HMCN1: variants seen among roughly 807,000 people sequenced by gnomAD.
The protein encoded by HMCN1 is hemicentin-1.
A neutral mutation model predicts 625.9 loss-of-function variants in HMCN1; 321 were observed. The observed-to-expected ratio is 0.51, with a 90% CI of 0.47 to 0.56. The LOEUF is 0.56. HMCN1 is among the 20% of genes least tolerant of loss of function. HMCN1 has a pLI of 0.00. For synonymous variants in HMCN1, 2,425 were observed against 2,417.6 expected (o/e 1.00, Z -0.09); for missense variants, 6,588 against 6,887.3 (o/e 0.96, Z 1.54).
intron 4 of HMCN1, among the ~76,000 whole-genome samples, chr1:185,893,418 G>A (rs6676765): frequency 0.15 from 22,862 of 152,176 alleles, 5,606 homozygotes; most frequent in African/African-American, 0.51. Flanking sequence ...TTGCCTTTCT[G>A]ACTGGCACAG....
chr1:185,832,431 T>G (rs552178903), intron 1 of HMCN1, among the ~76,000 whole-genome samples: 1 of 152,324 alleles, frequency 6.6e-6, no homozygotes, highest in Admixed American at 6.5e-5. Flanking sequence ...CCTCAATTAT[T>G]AAGACAATTT....
rs765004410 is a variant in HMCN1, at chr1:186,112,812, G to A, written c.10990G>A (p.Ala3664Thr). 45 of 1,614,026 alleles carry A rather than the reference G, an allele frequency of 2.8e-5. No homozygotes were observed. Among genetic ancestry groups the A allele is most frequent in the Non-Finnish European group, 3.7e-5 (44 of 1,179,984 alleles). Residue 3664 changes from alanine to threonine, a missense_variant and splice_region_variant, in exon 72 of 107, where the codon GCA (alanine) becomes ACA (threonine). By Grantham distance (58) the Ala-to-Thr change is moderately conservative. Around this residue, in one of 3 missense-constraint regions of HMCN1, gnomAD observed 4,628 missense variants for 4,853.1 expected, o/e 0.95. Transcript: ENST00000271588. ...TWLRNGERLQ[A>T]TPRVRILSGG... ...AAATTTCTTTACTTGCTGAATCCAG[G>A]CAACACCTCGAGTGCGAATCCTATC...
intron 11 of HMCN1, among the ~76,000 whole-genome samples, chr1:185,947,450 A>G (rs558304972): frequency 1.6e-4 from 24 of 152,364 alleles, no homozygotes; most frequent in African/African-American, 5.0e-4. Flanking sequence ...AGGCAGAAAT[A>G]ACAAGAGAAG....
intron 39 of HMCN1, among the ~76,000 whole-genome samples, chr1:186,040,683 A>ATTAG (rs1482153393): frequency 6.6e-6 from 1 of 152,194 alleles, no homozygotes; most frequent in Non-Finnish European, 1.5e-5. Flanking sequence ...TAGAAAGAGA[A>ATTAG]TTAGCATTTA....
intron 1 of HMCN1, among the ~76,000 whole-genome samples, chr1:185,780,564 A>C (rs1443559368): frequency 1.3e-5 from 2 of 152,186 alleles, no homozygotes; most frequent in Non-Finnish European, 2.9e-5. Flanking sequence ...TGAAGGGCTG[A>C]TGAATTTTGT....
intron 9 of HMCN1, among the ~76,000 whole-genome samples, chr1:185,927,517 A>C (rs190849136): frequency 6.6e-6 from 1 of 152,032 alleles, no homozygotes; most frequent in Admixed American, 6.6e-5. Flanking sequence ...AAGGCACAGA[A>C]ACCTGTTTTA....
At chr1:186,155,390 G>A (rs1400387947) in intron 97 of HMCN1, among the ~76,000 whole-genome samples, 1 of 151,960 alleles carries the variant, frequency 6.6e-6, no homozygotes, top group African/African-American at 2.4e-5. Flanking sequence ...CAAAAGAAAC[G>A]AGCTGCCAGA....
In HMCN1 at chr1:186,182,159, C is replaced by T. The variant is rs760760319; in HGVS notation, c.16295-9C>T. The T allele has an allele frequency of 6.2e-6, 10 of 1,612,786 alleles. No homozygotes were observed. Among genetic ancestry groups the T allele is most frequent in the Non-Finnish European group, 4.2e-6 (5 of 1,179,040 alleles). On this transcript the variant is annotated splice_polypyrimidine_tract_variant and intron_variant, in intron 104 of 106. Coordinates refer to ENST00000271588, the MANE Select transcript of HMCN1 (RefSeq NM_031935.3). ...TGTAGTGATAACTCTCTGTCTTCTT[C>T]CTGAACAGATATTGATGAATGTGAA...
chr1:186,152,158 G>C (rs1353608918), intron 95 of HMCN1, among the ~76,000 whole-genome samples: 1 of 152,082 alleles, frequency 6.6e-6, no homozygotes, highest in African/African-American at 2.4e-5. Context: ...AAACCTAAAG[G>C]CTTTTCACTC....
At chr1:186,125,529 G>T in intron 81 of HMCN1, 75 bp from the exon 82 acceptor site, 2 of 1,131,888 alleles carry the variant, frequency 1.8e-6, no homozygotes, top group Admixed American at 1.8e-5. Context: ...AGTTTTTTAT[G>T]TGTTAATTTT....
chr1:186,117,426 T>A, intron 76 of HMCN1, 33 bp from the exon 77 acceptor site: 1 of 1,607,276 alleles, frequency 6.2e-7, no homozygotes, highest in East Asian at 2.2e-5. Context: ...AAATGTGTAG[T>A]TTTTTCCCTT....
chr1:186,030,817 T>C (rs1371957522), intron 36 of HMCN1, among the ~76,000 whole-genome samples: 5 of 151,936 alleles, frequency 3.3e-5, no homozygotes, highest in Non-Finnish European at 7.4e-5. Flanking sequence ...ATTGCTTCTT[T>C]TACATTTTTT....
chr1:185,737,350 A>G (rs993837263), intron 1 of HMCN1, among the ~76,000 whole-genome samples: 3 of 151,932 alleles, frequency 2.0e-5, no homozygotes, highest in Non-Finnish European at 4.4e-5. Context: ...GGGTTCCACT[A>G]TGTTGCCCGG....
Position 186,037,943 on chromosome 1 carries a change from G to A in HMCN1, c.5759G>A (p.Ser1920Asn). Residue 1920 changes from serine to asparagine, a missense_variant, in exon 37 of 107, where the codon AGT becomes AAT. Ser to Asn is a conservative substitution (Grantham distance 46). Transcript: ENST00000271588. ...HIQLHVHEPP[S>N]LEDAGKMLNE... ...TTTGGGCCTCTTGTAGAACCACCTA[G>A]TCTGGAAGATGCTGGAAAAATGCTG... is the stretch of plus-strand genomic sequence containing the variant. 1 of 1,605,992 alleles carries A rather than the reference G, an allele frequency of 6.2e-7. No homozygotes were observed. The highest frequency in any genetic ancestry group is 8.5e-7 in the Non-Finnish European group (1 of 1,172,788).
At position 186,123,206 on chromosome 1, in the gene HMCN1, A is replaced by G. The variant is rs916639663; in HGVS notation, c.12485A>G (p.Lys4162Arg). The G allele has an allele frequency of 1.4e-5, 23 of 1,613,806 alleles. No homozygotes were observed. Among genetic ancestry groups the G allele is most frequent in the Non-Finnish European group, 1.9e-5 (22 of 1,179,850 alleles). ...NVAGSSSTST[K>R]LTVHVPPRIR... ...GCAGGATCAAGCAGCACAAGCACCA[A>G]GCTCACCGTCCATGGTAGGTTGTTT... Residue 4162 changes from lysine to arginine, a missense_variant, in exon 81 of 107, where the codon AAG becomes AGG. Around this residue, in one of 3 missense-constraint regions of HMCN1, gnomAD observed 1,954 missense variants for 2,013.1 expected, o/e 0.97. Transcript: ENST00000271588.
chr1:186,166,720 C>A, intron 99 of HMCN1, 88 bp from the exon 100 acceptor site: 1 of 1,585,596 alleles, frequency 6.3e-7, no homozygotes, highest in South Asian at 1.1e-5. Context: ...AAGGGTCCTT[C>A]ACTGCTTTTT....
intron 1 of HMCN1, among the ~76,000 whole-genome samples, chr1:185,735,945 A>C (rs1653534211): frequency 6.6e-6 from 1 of 152,208 alleles, no homozygotes; most frequent in Non-Finnish European, 1.5e-5. Context: ...GAAATGAAGC[A>C]GTGATTTCTT....
At chr1:185,784,481 G>A (rs756456043) in intron 1 of HMCN1, among the ~76,000 whole-genome samples, 4 of 152,006 alleles carry the variant, frequency 2.6e-5, no homozygotes, top group African/African-American at 7.2e-5. Context: ...GTTCCTGTTC[G>A]GCCATCTTGG....
At chr1:186,018,637 C>G (rs978715455) in intron 34 of HMCN1, among the ~76,000 whole-genome samples, 1 of 151,938 alleles carries the variant, frequency 6.6e-6, no homozygotes, top group Non-Finnish European at 1.5e-5. Flanking sequence ...GAAGTGTGTT[C>G]TACATAGAAT....
Sources: gnomAD v4.1 joint callset for allele counts (sites outside exome capture counted in the v4.1 genomes callset) on GRCh38, gnomAD v4.1.1 for gene constraint, gnomAD v4.1.1 regional missense constraint, MANE v1.5 for transcripts, NCBI Gene and HGNC (gene_info 2026-07-23, HGNC 2026-07-21) for gene names.